CPEB1: variants seen among roughly 807,000 people sequenced by gnomAD.
CPEB1 encodes the protein cytoplasmic polyadenylation element-binding protein 1.
Under a neutral mutation model 65.8 loss-of-function variants are expected in CPEB1, and 7 were observed. The ratio of observed to expected loss-of-function variants is 0.11; its 90% CI spans 0.06 to 0.20. The LOEUF (loss-of-function observed/expected upper bound fraction) is 0.20. Among genes scored for constraint, CPEB1 ranks in the 10% least tolerant of loss-of-function variants. The pLI is 1.00. For missense variants in CPEB1, 551 were observed against 712.2 expected (o/e 0.77, Z 2.58); for synonymous variants, 262 against 260.0 (o/e 1.01, Z -0.08).
At chr15:82,571,672 G>C in intron 3 of CPEB1, 140 bp from the exon 4 acceptor site, 1 of 1,444,996 alleles carries the variant, frequency 6.9e-7, no homozygotes, top group Non-Finnish European at 9.1e-7. Flanking sequence ...TGCAGCCGCT[G>C]CCTCTGCACT....
intron 4 of CPEB1, among the ~76,000 whole-genome samples, chr15:82,560,935 A>G (rs958466532): frequency 3.3e-5 from 5 of 152,278 alleles, no homozygotes. Context: ...GAAGGAATAA[A>G]TGTGACAACA....
chr15:82,611,152 GCATC>G (rs2044119639), intron 3 of CPEB1, among the ~76,000 whole-genome samples: 1 of 151,140 alleles, frequency 6.6e-6, no homozygotes, highest in Non-Finnish European at 1.5e-5. Flanking sequence ...GAAACAAAAG[GCATC>G]TAGATGGAAA....
At chr15:82,576,316 G>C in intron 3 of CPEB1, among the ~76,000 whole-genome samples, 1 of 152,104 alleles carries the variant, frequency 6.6e-6, no homozygotes, top group Non-Finnish European at 1.5e-5. Flanking sequence ...ATTAGGAAGG[G>C]GTACAAGGAA....
intron 3 of CPEB1, among the ~76,000 whole-genome samples, chr15:82,597,154 A>G (rs2042727616): frequency 6.6e-6 from 1 of 152,190 alleles, no homozygotes. Flanking sequence ...GGGAGACCCT[A>G]TCTCTACAAA....
At chr15:82,551,632 TAGAAG>T (rs141046529) in intron 9 of CPEB1, among the ~76,000 whole-genome samples, 2,180 of 152,270 alleles carry the variant, frequency 0.014, 55 homozygotes, top group African/African-American at 0.05. Flanking sequence ...TCCCATCTTA[TAGAAG>T]AGAAGAGGAA....
At chr15:82,610,312 T>C (rs1360881514) in intron 3 of CPEB1, among the ~76,000 whole-genome samples, 1 of 152,172 alleles carries the variant, frequency 6.6e-6, no homozygotes, top group South Asian at 2.1e-4. Context: ...TATTCACATG[T>C]ACTTTTCCAA....
At chr15:82,627,054 T>A (rs1266031899) in intron 3 of CPEB1, 139 bp downstream of exon 3, 6 of 633,262 alleles carry the variant, frequency 9.5e-6, no homozygotes, top group Non-Finnish European at 1.5e-5. Flanking sequence ...ATCCATAAAC[T>A]AAACCACAAA....
upstream of CPEB1, chr15:82,648,095 C>A: frequency 2.7e-6 from 1 of 373,292 alleles, no homozygotes; most frequent in Non-Finnish European, 4.7e-6. Flanking sequence ...CGCGCCCCGC[C>A]CCTCCTAGCA....
chr15:82,580,213 C>T (rs967753546), intron 3 of CPEB1, among the ~76,000 whole-genome samples: 4 of 150,810 alleles, frequency 2.7e-5, no homozygotes, highest in South Asian at 2.1e-4. Context: ...CCCAGTTGCT[C>T]GAGAGGCTGA....
intron 3 of CPEB1, among the ~76,000 whole-genome samples, chr15:82,591,097 T>C (rs927167093): frequency 5.9e-5 from 9 of 152,224 alleles, no homozygotes; most frequent in Non-Finnish European, 1.3e-4. Flanking sequence ...ACTACACTAT[T>C]TTCCACAATG....
At chr15:82,548,363 TTAA>T (rs2035642682) in intron 10 of CPEB1, among the ~76,000 whole-genome samples, 2 of 152,180 alleles carry the variant, frequency 1.3e-5, no homozygotes, top group African/African-American at 2.4e-5. Context: ...ACCCTATATG[TTAA>T]TAATATTATT....
chr15:82,606,054 T>C (rs879350855), intron 3 of CPEB1, among the ~76,000 whole-genome samples: 3 of 152,042 alleles, frequency 2.0e-5, no homozygotes, highest in African/African-American at 4.8e-5. Context: ...AAAAGACATA[T>C]TTGTAATACA....
intron 3 of CPEB1, among the ~76,000 whole-genome samples, chr15:82,615,406 AG>A (rs1044992780): frequency 6.6e-6 from 1 of 152,196 alleles, no homozygotes; most frequent in African/African-American, 2.4e-5. Context: ...AATTTTTTCT[AG>A]GAAGACAGTC....
chr15:82,562,967 C>T lies in CPEB1; in HGVS notation c.461-4981G>A, dbSNP rs111952445. Among the ~76,000 whole-genome samples the T allele has an allele frequency of 2.3e-3, 343 of 152,214 alleles. 2 individuals carry two copies. Among genetic ancestry groups the T allele is most frequent in the African/African-American group, 8.0e-3 (333 of 41,524 alleles). On this transcript the variant is annotated intron_variant, in intron 4 of 12. Transcript: ENST00000684509. ...ATATAGGACATTTACTTAAGAGTTC[C>T]TTCTCTCTGAAAACACTGGGTGGGA... is the stretch of plus-strand genomic sequence containing the variant.
At chr15:82,638,161 G>GATATTAAA (rs2046819851) in intron 1 of CPEB1, among the ~76,000 whole-genome samples, 2 of 152,116 alleles carry the variant, frequency 1.3e-5, no homozygotes, top group Admixed American at 1.3e-4. Context: ...TAATATCATT[G>GATATTAAA]TCAGACAACT....
intron 3 of CPEB1, among the ~76,000 whole-genome samples, chr15:82,620,236 C>G (rs1238083844): frequency 6.6e-6 from 1 of 151,916 alleles, no homozygotes; most frequent in African/African-American, 2.4e-5. Flanking sequence ...GTGAATATGG[C>G]CAGTATGTCT....
intron 3 of CPEB1, among the ~76,000 whole-genome samples, chr15:82,586,992 A>T (rs1458227062): frequency 1.3e-5 from 2 of 152,330 alleles, no homozygotes; most frequent in East Asian, 3.9e-4. Flanking sequence ...ATTGTCTTTA[A>T]GACAGTTTCA....
intron 7 of CPEB1, 56 bp from the exon 8 acceptor site, chr15:82,553,612 G>T: frequency 7.7e-7 from 1 of 1,293,216 alleles, no homozygotes; most frequent in South Asian, 1.2e-5. Context: ...TCCCAGTAAA[G>T]ACACAAACAC....
rs1026000556 is a variant in CPEB1, at chr15:82,546,989, A to T, written c.1575+154T>A. Among the ~76,000 whole-genome samples the T allele has an allele frequency of 3.3e-5, 5 of 152,184 alleles. 1 individual carries two copies. The highest frequency in any genetic ancestry group is 1.2e-4 in the African/African-American group (5 of 41,448). ...GCGTACAAAGACCAAGCCCACTCCC[A>T]AACCCTAACCTCAATGTTAATTCTC... On this transcript the variant is annotated intron_variant, in intron 11 of 12. Transcript: ENST00000684509.
Sources: allele counts gnomAD v4.1 joint callset (sites outside exome capture counted in the v4.1 genomes callset), GRCh38; gene constraint gnomAD v4.1.1; transcripts MANE v1.5; gene names NCBI Gene and HGNC (gene_info 2026-07-23, HGNC 2026-07-21).